The following PIEZO2 variants were observed in gnomAD, a reference collection of about 807,000 sequenced individuals.
PIEZO2 encodes piezo-type mechanosensitive ion channel component 2.
A neutral mutation model predicts 337.3 loss-of-function variants in PIEZO2; 172 were observed. The ratio of observed to expected loss-of-function variants is 0.51; its 90% CI spans 0.45 to 0.58. The LOEUF is 0.58. PIEZO2 is among the 20% of genes least tolerant of loss of function. The pLI, the probability that PIEZO2 is intolerant of heterozygous loss-of-function variation, is 0.00. For synonymous variants in PIEZO2, 1,251 were observed against 1,228.5 expected (o/e 1.02, Z -0.38); for missense variants, 3,028 against 3,391.3 (o/e 0.89, Z 2.66).
chr18:10,793,091 TA>T (rs201114877), intron 13 of PIEZO2, among the ~76,000 whole-genome samples: 1 of 151,834 alleles, frequency 6.6e-6, no homozygotes, highest in Non-Finnish European at 1.5e-5. Flanking sequence ...CCGTCTCTGC[TA>T]AAAAAAATAC....
chr18:10,924,807 C>T (rs1370258003), intron 3 of PIEZO2, among the ~76,000 whole-genome samples: 1 of 152,160 alleles, frequency 6.6e-6, no homozygotes, highest in Admixed American at 6.5e-5. Flanking sequence ...TAAGGCGTTA[C>T]AATTGCTTTG....
rs527723546 is a variant in PIEZO2, at chr18:10,790,955, C to T, written c.1882+246G>A. 1.1e-4 allele frequency among the ~76,000 whole-genome samples: 16 copies of T among 152,346 alleles called. No individual in the cohort carries two copies. In the East Asian group the frequency reaches 2.5e-3, roughly 24 times the overall value. ...TCCTGACCTCGGGATCCGCCCACCT[C>T]GGCCTCCCAAAGTGCTGGGATTACA... On this transcript the variant is annotated intron_variant, in intron 14 of 55. Coordinates refer to ENST00000674853, the MANE Select transcript of PIEZO2 (RefSeq NM_001378183.1).
intron 2 of PIEZO2, among the ~76,000 whole-genome samples, chr18:11,050,908 A>C (rs2037501659): frequency 6.6e-6 from 1 of 151,988 alleles, no homozygotes; most frequent in Non-Finnish European, 1.5e-5. Context: ...AAAAAAAAAA[A>C]AACTCAAATG....
intron 35 of PIEZO2, among the ~76,000 whole-genome samples, chr18:10,733,220 C>A (rs1043630413): frequency 1.3e-5 from 2 of 152,026 alleles, no homozygotes; most frequent in African/African-American, 4.8e-5. Context: ...TGCCTCACTG[C>A]CATGAGAATT....
chr18:10,725,575 T>G (rs547636288), intron 36 of PIEZO2: 1 of 1,365,474 alleles, frequency 7.3e-7, no homozygotes, highest in African/African-American at 1.4e-5. Flanking sequence ...CTGTCCCTCC[T>G]GAGGTCGGGG....
At chr18:10,836,967 G>A (rs1275016467) in intron 7 of PIEZO2, among the ~76,000 whole-genome samples, 2 of 152,192 alleles carry the variant, frequency 1.3e-5, no homozygotes, top group African/African-American at 4.8e-5. Flanking sequence ...ATGATCAAAG[G>A]AAGGGGAAGG....
chr18:10,883,923 G>T (rs1002601760), intron 4 of PIEZO2, among the ~76,000 whole-genome samples: 1 of 149,170 alleles, frequency 6.7e-6, no homozygotes, highest in Non-Finnish European at 1.5e-5. Context: ...CTATTCTCCT[G>T]CCTCAGCCTC....
In PIEZO2 at chr18:10,794,624, A is replaced by C; in HGVS notation, c.1758+148T>G. 1.5e-6 allele frequency: 1 copy of C among 672,020 alleles called. No individual in the cohort carries two copies. 41.6% of individuals were successfully genotyped at this position (672,020 alleles called of 1,614,324 possible). A position where few individuals can be genotyped will look rare whatever the true frequency, so the allele number is the denominator to read the frequency against. ...ATTATAGAGGCCTCTAAGCACCGCAAACTGTTTCTTACAGTCTCATGTTTG... is the reference window on the plus strand; with the variant it reads ...ATTATAGAGGCCTCTAAGCACCGCACACTGTTTCTTACAGTCTCATGTTTG... On this transcript the variant is annotated intron_variant, in intron 13 of 55. Coordinates refer to ENST00000674853, the MANE Select transcript of PIEZO2 (RefSeq NM_001378183.1). This position sits in a 1 kb window ranked among gnomAD's most constrained non-coding sequence, Gnocchi z 6.6.
At chr18:10,996,707 A>T (rs529976848) in intron 2 of PIEZO2, among the ~76,000 whole-genome samples, 1 of 152,172 alleles carries the variant, frequency 6.6e-6, no homozygotes, top group South Asian at 2.1e-4. Flanking sequence ...TATGCAGGGA[A>T]TTTTTTTCAT....
At chr18:11,093,117 T>C (rs1234986139) in intron 1 of PIEZO2, among the ~76,000 whole-genome samples, 2 of 152,210 alleles carry the variant, frequency 1.3e-5, no homozygotes, top group South Asian at 2.1e-4. Flanking sequence ...AAGAATAATA[T>C]GCTGTAGATT....
At chr18:10,951,169 C>A (rs1256767114) in intron 3 of PIEZO2, among the ~76,000 whole-genome samples, 1 of 152,206 alleles carries the variant, frequency 6.6e-6, no homozygotes, top group Non-Finnish European at 1.5e-5. Context: ...TTACCCACTG[C>A]TGTCAGTAAC....
chr18:11,018,217 GGTGGT>G (rs1342277203), intron 2 of PIEZO2, among the ~76,000 whole-genome samples: 40 of 134,266 alleles, frequency 3.0e-4, no homozygotes, highest in African/African-American at 4.8e-4. Flanking sequence ...TGGTGGTGGT[GGTGGT>G]GTGTGTGTGT....
At chr18:10,842,523 C>T (rs1319500745) in intron 7 of PIEZO2, among the ~76,000 whole-genome samples, 1 of 152,196 alleles carries the variant, frequency 6.6e-6, no homozygotes, top group Non-Finnish European at 1.5e-5. Context: ...TTCTCTCACC[C>T]TGTGATCTCT....
rs910831652 is a variant in PIEZO2, at chr18:10,916,074, T to A, written c.287-4846A>T. Among the ~76,000 whole-genome samples, 4 of 152,134 alleles carry A rather than the reference T, an allele frequency of 2.6e-5. No homozygotes were observed. The South Asian group carries it at 8.3e-4, about 32-fold the overall frequency. ...GACACAGAGTGCTTGGCAGAAAAGT[T>A]CTCCAAGTCCCCACCAGAGTAGCTA... On this transcript the variant is annotated intron_variant, in intron 3 of 55. Coordinates refer to ENST00000674853, the MANE Select transcript of PIEZO2 (RefSeq NM_001378183.1).
At chr18:11,087,364 C>T (rs933791713) in intron 1 of PIEZO2, among the ~76,000 whole-genome samples, 2 of 152,194 alleles carry the variant, frequency 1.3e-5, no homozygotes, top group African/African-American at 2.4e-5. Flanking sequence ...TAGCCCAGGG[C>T]CAGTCCACCT....
At chr18:11,019,704 C>A (rs2036244451) in intron 2 of PIEZO2, among the ~76,000 whole-genome samples, 4 of 152,260 alleles carry the variant, frequency 2.6e-5, no homozygotes, top group African/African-American at 7.2e-5. Context: ...CCCCCCTACC[C>A]CAACACACAA....
intron 1 of PIEZO2, among the ~76,000 whole-genome samples, chr18:11,091,559 G>A (rs2051349591): frequency 6.6e-6 from 1 of 152,170 alleles, no homozygotes; most frequent in East Asian, 1.9e-4. Context: ...TAACAAACAA[G>A]TGATTGAACA....
In PIEZO2 at chr18:10,847,502, C is replaced by T. The variant is rs144775882; in HGVS notation, c.917+7851G>A. On this transcript the variant is annotated intron_variant, in intron 7 of 55. Transcript: ENST00000674853. The surrounding 1 kb of genome is among the most constrained non-coding windows in gnomAD (Gnocchi z 5.7). ...CACGCAGTGCAAAGGCCCGTGGGCTCGGCGAGAAGCCACAGTTGCTTTTGT... is the reference window on the plus strand; with the variant it reads ...CACGCAGTGCAAAGGCCCGTGGGCTTGGCGAGAAGCCACAGTTGCTTTTGT... Among the ~76,000 whole-genome samples the T allele has an allele frequency of 1.3e-3, 194 of 152,258 alleles. No homozygotes were observed. The highest frequency in any genetic ancestry group is 4.0e-3 in the African/African-American group (165 of 41,546).
intron 1 of PIEZO2, among the ~76,000 whole-genome samples, chr18:11,098,051 C>T (rs568459161): frequency 2.0e-5 from 3 of 152,096 alleles, no homozygotes; most frequent in South Asian, 4.2e-4. Context: ...AAGGAAATAA[C>T]CAGAGATAGA....
Sources: gnomAD v4.1 joint callset for allele counts (sites outside exome capture counted in the v4.1 genomes callset) on GRCh38, gnomAD v4.1.1 for gene constraint, Gnocchi (gnomAD v3.1) non-coding constraint, MANE v1.5 for transcripts, NCBI Gene and HGNC (gene_info 2026-07-23, HGNC 2026-07-21) for gene names.